The following CPLX4 variants were observed in gnomAD, a reference collection of about 807,000 sequenced individuals.
CPLX4 encodes the protein complexin 4.
A neutral mutation model predicts 16.1 loss-of-function variants in CPLX4; 17 were observed. The ratio of observed to expected loss-of-function variants is 1.06; its 90% CI spans 0.72 to 1.59. The LOEUF (loss-of-function observed/expected upper bound fraction) is 1.59. Ranked by LOEUF, CPLX4 falls within the 40% of genes most tolerant of loss-of-function variation. The probability of loss-of-function intolerance (pLI) is 0.00; values close to 1 mark genes in which losing one functional copy is unlikely to be tolerated. For missense variants in CPLX4, 193 were observed against 192.9 expected (o/e 1.00, Z 0.00); for synonymous variants, 55 against 57.8 (o/e 0.95, Z 0.22).
rs2070665769 is a variant in CPLX4, at chr18:59,318,430, G to A, written c.33C>T (p.Asn11=). The A allele has an allele frequency of 6.2e-7, 1 of 1,612,008 alleles. No individual in the cohort carries two copies. The highest frequency in any genetic ancestry group is 1.7e-5 in the Admixed American group (1 of 59,800). The part of the protein sequence containing the change: MAFLMKSMIS[N]QVKNLGFGGG... ...CACCAAATCCTAAATTCTTTACCTGGTTACTTATCATACTTTTCATAAGGA... is the reference window on the plus strand; with the variant it reads ...CACCAAATCCTAAATTCTTTACCTGATTACTTATCATACTTTTCATAAGGA... Residue 11 remains asparagine (N), a synonymous_variant, in exon 1 of 3, where the codon AAC becomes AAT. Coordinates refer to ENST00000299721, the MANE Select transcript of CPLX4 (RefSeq NM_181654.4).
chr18:59,306,856 T>G (rs1331102879), intron 2 of CPLX4, among the ~76,000 whole-genome samples: 1 of 152,244 alleles, frequency 6.6e-6, no homozygotes, highest in Admixed American at 6.5e-5. Flanking sequence ...ACCCAGGGGG[T>G]CATCCCTCAT....
rs1445837158 is a variant in CPLX4, at chr18:59,318,356, G to C, written c.107C>G (p.Ala36Gly). The C allele has an allele frequency of 5.6e-6, 9 of 1,613,722 alleles. No individual in the cohort carries two copies. In the African/African-American group the frequency reaches 9.3e-5, roughly 17 times the overall value. ...CTCCTCTCTAGTCATCCCTTGAGCT[G>C]CTGCAGGATCAGATGCACCTCCTTC... ...KEEGGASDPA[A>G]AQGMTREEYE... Residue 36 changes from alanine to glycine, a missense_variant, in exon 1 of 3, where the codon GCA becomes GGA. By Grantham distance (60) the Ala-to-Gly change is moderately conservative. Transcript: ENST00000299721.
chr18:59,312,658 T>C (rs372890559), intron 2 of CPLX4, 27 bp downstream of exon 2: 13 of 900,908 alleles, frequency 1.4e-5, no homozygotes, highest in Middle Eastern at 2.1e-4. Flanking sequence ...AATTAAGAAA[T>C]GATTAGATGT....
At chr18:59,308,804 C>T (rs1033323910) in intron 2 of CPLX4, among the ~76,000 whole-genome samples, 2 of 152,184 alleles carry the variant, frequency 1.3e-5, no homozygotes, top group Non-Finnish European at 2.9e-5. Context: ...CGTGTCTGTC[C>T]CCCGCAGCCT....
chr18:59,315,901 C>T (rs1013440319), intron 1 of CPLX4, among the ~76,000 whole-genome samples: 4 of 152,188 alleles, frequency 2.6e-5, no homozygotes, highest in African/African-American at 9.7e-5. Context: ...CAGAGCCAGT[C>T]TACAAATCAC....
chr18:59,298,904 C>T (rs1357380673), intron 2 of CPLX4, among the ~76,000 whole-genome samples: 1 of 152,190 alleles, frequency 6.6e-6, no homozygotes, highest in African/African-American at 2.4e-5. Flanking sequence ...AGGAGTCTGG[C>T]TCAAGAAATA....
At position 59,318,405 on chromosome 18, in the gene CPLX4, C is replaced by T. The variant is rs145936799; in HGVS notation, c.58G>A (p.Gly20Ser). 1.2e-5 allele frequency: 20 copies of T among 1,613,752 alleles called. No homozygotes were observed. The African/African-American group carries it at 1.7e-4, about 14-fold the overall frequency. The change falls in exon 1 of 3, where the codon GGT becomes AGT. Residue 20 changes from glycine to serine, a missense_variant. Gly to Ser is a moderately conservative substitution (Grantham distance 56). Transcript: ENST00000299721. ...TCTTCTTTATTTTCTTCAGACCCAC[C>T]ACCAAATCCTAAATTCTTTACCTGG... The part of the protein sequence containing the change: ...SNQVKNLGFG[G>S]GSEENKEEGG...
At chr18:59,305,464 T>C (rs1186124123) in intron 2 of CPLX4, among the ~76,000 whole-genome samples, 2 of 152,118 alleles carry the variant, frequency 1.3e-5, no homozygotes, top group Non-Finnish European at 2.9e-5. Context: ...AGAAAAGCTA[T>C]GGTGAATTGA....
chr18:59,297,123 G>A (rs1442330476), intron 2 of CPLX4, among the ~76,000 whole-genome samples, 198 bp from the exon 3 acceptor site: 2 of 152,196 alleles, frequency 1.3e-5, no homozygotes, highest in African/African-American at 4.8e-5. Flanking sequence ...GGCACCTTGC[G>A]TCGATCAGAA....
At chr18:59,315,643 T>C (rs1453200113) in intron 1 of CPLX4, among the ~76,000 whole-genome samples, 1 of 152,208 alleles carries the variant, frequency 6.6e-6, no homozygotes, top group Non-Finnish European at 1.5e-5. Context: ...CTCCTACTTT[T>C]TTTTCTAAAA....
In CPLX4 at chr18:59,296,544, A is replaced by G; in HGVS notation, c.*154T>C. 1 of 769,672 alleles carries G rather than the reference A, an allele frequency of 1.3e-6. No individual in the cohort carries two copies. Among genetic ancestry groups the G allele is most frequent in the Non-Finnish European group, 2.1e-6 (1 of 469,246 alleles). The allele number at this position is 769,672 out of a possible 1,614,324, so 47.7% of individuals were successfully genotyped here. ...GTGTTAGCTAAATGCTCTGCCAGGA[A>G]TATTTAGAACAACCAAATTATTGTC... is the stretch of plus-strand genomic sequence containing the variant. On this transcript the variant is annotated 3_prime_UTR_variant, in exon 3 of 3. Transcript: ENST00000299721.
chr18:59,303,599 T>C (rs562868099), intron 2 of CPLX4, among the ~76,000 whole-genome samples: 97 of 152,352 alleles, frequency 6.4e-4, no homozygotes, highest in African/African-American at 2.3e-3. Context: ...CTCTGCCATT[T>C]ACTGGCTGTG....
chr18:59,298,508 A>G (rs1188672298), intron 2 of CPLX4, among the ~76,000 whole-genome samples: 1 of 152,178 alleles, frequency 6.6e-6, no homozygotes, highest in African/African-American at 2.4e-5. Flanking sequence ...GACCAGCCTT[A>G]AATTTGTTAC....
At chr18:59,316,995 T>G (rs1263875014) in intron 1 of CPLX4, among the ~76,000 whole-genome samples, 1 of 152,192 alleles carries the variant, frequency 6.6e-6, no homozygotes, top group Non-Finnish European at 1.5e-5. Flanking sequence ...CAAGGAATGC[T>G]GCTTCTTTTG....
chr18:59,300,703 G>C (rs927959327), intron 2 of CPLX4, among the ~76,000 whole-genome samples: 1 of 152,210 alleles, frequency 6.6e-6, no homozygotes, highest in East Asian at 1.9e-4. Context: ...CACTCACCCA[G>C]TAGTAGCTAT....
chr18:59,312,066 T>G (rs1289088371), intron 2 of CPLX4, among the ~76,000 whole-genome samples: 1 of 152,158 alleles, frequency 6.6e-6, no homozygotes, highest in Non-Finnish European at 1.5e-5. Flanking sequence ...ACCTACTTTC[T>G]TCATGCCTGT....
At chr18:59,298,572 C>G (rs193270913) in intron 2 of CPLX4, among the ~76,000 whole-genome samples, 158 of 148,962 alleles carry the variant, frequency 1.1e-3, no homozygotes, top group Non-Finnish European at 1.8e-3. Context: ...AAACAGACTA[C>G]ATTGCTTTAA....
At chr18:59,298,342 C>T (rs975647952) in intron 2 of CPLX4, among the ~76,000 whole-genome samples, 1 of 152,124 alleles carries the variant, frequency 6.6e-6, no homozygotes, top group African/African-American at 2.4e-5. Context: ...GAAAGGTTAA[C>T]AGTAGCTTAC....
chr18:59,299,612 C>T (rs1048783932), intron 2 of CPLX4, among the ~76,000 whole-genome samples: 4 of 152,182 alleles, frequency 2.6e-5, no homozygotes, highest in African/African-American at 4.8e-5. Context: ...CTTGAAGAAG[C>T]TTTGGGATGG....
Sources: allele counts gnomAD v4.1 joint callset (sites outside exome capture counted in the v4.1 genomes callset), GRCh38; gene constraint gnomAD v4.1.1; transcripts MANE v1.5; gene names NCBI Gene and HGNC (gene_info 2026-07-23, HGNC 2026-07-21).